The following MAP6 variants were observed in gnomAD, a reference collection of about 807,000 sequenced individuals.
MAP6 encodes the protein microtubule-associated protein 6.
In MAP6, 26 loss-of-function variants were observed where a neutral mutation model predicts 42.4. The ratio of observed to expected loss-of-function variants is 0.61; its 90% CI spans 0.45 to 0.85. MAP6 has a LOEUF of 0.85. Ranked by LOEUF, MAP6 falls within the 40% of genes least tolerant of loss-of-function variation. The probability of loss-of-function intolerance (pLI) is 0.00; values close to 1 mark genes in which losing one functional copy is unlikely to be tolerated. For synonymous variants in MAP6, 418 were observed against 443.8 expected (o/e 0.94, Z 0.73); for missense variants, 966 against 1,099.0 (o/e 0.88, Z 1.71).
intron 2 of MAP6, chr11:75,607,848 C>A (rs1212999213): frequency 4.5e-6 from 1 of 223,346 alleles, no homozygotes; most frequent in East Asian, 1.8e-4. Context: ...TTCTCAAAAT[C>A]AGAAGCTAAT....
chr11:75,666,002 G>C (rs1428491887), intron 1 of MAP6, among the ~76,000 whole-genome samples: 2 of 152,192 alleles, frequency 1.3e-5, no homozygotes, highest in African/African-American at 2.4e-5. Flanking sequence ...GCCTATGAGA[G>C]AGTATTGGTA....
chr11:75,634,578 C>G (rs1943337507), intron 1 of MAP6, among the ~76,000 whole-genome samples: 1 of 152,214 alleles, frequency 6.6e-6, no homozygotes. Context: ...CAAGTCTAAT[C>G]TTTATGATAC....
chr11:75,588,282 G>C (rs1942403225), intron 3 of MAP6, 98 bp from the exon 4 acceptor site: 1 of 1,110,578 alleles, frequency 9.0e-7, no homozygotes, highest in Admixed American at 2.4e-5. Context: ...AGTGGAGCCT[G>C]GGCCGGGCAG....
At chr11:75,602,865 T>C in intron 3 of MAP6, 1 of 985,630 alleles carries the variant, frequency 1.0e-6, no homozygotes, top group Non-Finnish European at 1.2e-6. Context: ...GAAAGTGGTG[T>C]TCGTCTTTAG....
chr11:75,652,981 TC>T (rs1423097558), intron 1 of MAP6, among the ~76,000 whole-genome samples: 1 of 152,152 alleles, frequency 6.6e-6, no homozygotes, highest in East Asian at 1.9e-4. Flanking sequence ...CTACTCCTTT[TC>T]CTCCTCTTAC....
At chr11:75,630,905 T>C (rs2135633194) in intron 1 of MAP6, among the ~76,000 whole-genome samples, 1 of 152,366 alleles carries the variant, frequency 6.6e-6, no homozygotes, top group East Asian at 1.9e-4. Flanking sequence ...ATTCCACTGT[T>C]CTTACCCTTG....
intron 1 of MAP6, among the ~76,000 whole-genome samples, chr11:75,647,347 C>CAAAAAAA: frequency 2.3e-5 from 1 of 44,186 alleles, no homozygotes; most frequent in African/African-American, 8.8e-5. Flanking sequence ...CCCACCTGAT[C>CAAAAAAA]AAAAAAAAAA....
In MAP6 at chr11:75,668,608, G is replaced by A; in HGVS notation, c.-239C>T. 2.6e-6 allele frequency: 1 copy of A among 384,530 alleles called. No homozygotes were observed. Among genetic ancestry groups the A allele is most frequent in the South Asian group, 1.1e-4 (1 of 9,332 alleles). The allele number at this position is 384,530 out of a possible 1,614,324, so 23.8% of individuals were successfully genotyped here. ...AACGCCTTTGGGAGCGCAGTCTGCTGCGAGCGCCGAAGGGTGAGACGCACG... is the reference window on the plus strand; with the variant it reads ...AACGCCTTTGGGAGCGCAGTCTGCTACGAGCGCCGAAGGGTGAGACGCACG... On this transcript the variant is annotated 5_prime_UTR_variant, in exon 1 of 4. Coordinates refer to ENST00000304771, the MANE Select transcript of MAP6 (RefSeq NM_033063.2).
chr11:75,591,076 T>C (rs1319733934), intron 3 of MAP6, among the ~76,000 whole-genome samples: 1 of 152,214 alleles, frequency 6.6e-6, no homozygotes, highest in Non-Finnish European at 1.5e-5. Flanking sequence ...ACAGATTAGC[T>C]TTGTAATCCC....
intron 1 of MAP6, among the ~76,000 whole-genome samples, chr11:75,641,210 C>T (rs905926628): frequency 6.6e-6 from 1 of 151,736 alleles, no homozygotes; most frequent in Admixed American, 6.6e-5. Flanking sequence ...TGGAAACCAT[C>T]ATTCTCAGCA....
At chr11:75,606,410 G>T (rs751296943) in intron 2 of MAP6, among the ~76,000 whole-genome samples, 2 of 152,160 alleles carry the variant, frequency 1.3e-5, no homozygotes, top group African/African-American at 4.8e-5. Context: ...ACCTTCAGGC[G>T]GAAAATTTGA....
chr11:75,592,564 C>T (rs1038107632), intron 3 of MAP6, among the ~76,000 whole-genome samples: 14 of 148,754 alleles, frequency 9.4e-5, no homozygotes, highest in African/African-American at 3.2e-4. Flanking sequence ...CCACTTCTTT[C>T]CCTCCCTCCC....
At chr11:75,627,881 T>C (rs1416868456) in intron 1 of MAP6, among the ~76,000 whole-genome samples, 1 of 152,112 alleles carries the variant, frequency 6.6e-6, no homozygotes, top group African/African-American at 2.4e-5. Context: ...ACTGAGACAA[T>C]ACCAAAGCAG....
chr11:75,592,680 A>C (rs534856756), intron 3 of MAP6, among the ~76,000 whole-genome samples: 3 of 152,170 alleles, frequency 2.0e-5, no homozygotes, highest in South Asian at 2.1e-4. Context: ...CCCATTCTTC[A>C]TACAGAAATC....
intron 1 of MAP6, among the ~76,000 whole-genome samples, chr11:75,645,347 G>A (rs1169104487): frequency 2.0e-5 from 3 of 152,028 alleles, no homozygotes; most frequent in Non-Finnish European, 4.4e-5. Flanking sequence ...GGTTCTGGGT[G>A]GGGGTGGGAT....
intron 3 of MAP6, chr11:75,604,902 A>T: frequency 1.0e-6 from 1 of 985,440 alleles, no homozygotes; most frequent in Non-Finnish European, 1.2e-6. Flanking sequence ...TTGCCACTAC[A>T]TCTACGCCCC....
chr11:75,632,170 C>G (rs762691374), intron 1 of MAP6, among the ~76,000 whole-genome samples: 1 of 152,164 alleles, frequency 6.6e-6, no homozygotes, highest in Non-Finnish European at 1.5e-5. Context: ...ACCCTATTAG[C>G]TCTATTCTAT....
rs1942377822 is a variant in MAP6 at position 75,587,522 on chromosome 11, T to C, written c.1979A>G (p.Asn660Ser). Reference protein sequence around the residue: ...ESAMATAPIKNQGSMVSEPVK... With the variant: ...ESAMATAPIKSQGSMVSEPVK... ...AGGCTCAGAGACCATGGAACCTTGATTCTTTATGGGTGCTGTGGCCATGGC... is the reference window on the plus strand; with the variant it reads ...AGGCTCAGAGACCATGGAACCTTGACTCTTTATGGGTGCTGTGGCCATGGC... The change falls in exon 4 of 4, where the codon AAT becomes AGT. Residue 660 changes from asparagine to serine, a missense_variant. Asn to Ser is a conservative substitution (Grantham distance 46). Around this residue, in one of 2 missense-constraint regions of MAP6, gnomAD observed 943 missense variants for 1,049.9 expected, o/e 0.90. Coordinates refer to ENST00000304771, the MANE Select transcript of MAP6 (RefSeq NM_033063.2). 1 of 1,614,132 alleles carries C rather than the reference T, an allele frequency of 6.2e-7. No individual in the cohort carries two copies. Among genetic ancestry groups the C allele is most frequent in the South Asian group, 1.1e-5 (1 of 91,078 alleles).
At position 75,645,344 on chromosome 11, in the gene MAP6, G is replaced by A. The variant is rs997802986; in HGVS notation, c.905+22121C>T. Among the ~76,000 whole-genome samples, 3 of 152,066 alleles carry A rather than the reference G, an allele frequency of 2.0e-5. No individual in the cohort carries two copies. The East Asian group carries it at 5.8e-4, about 29-fold the overall frequency. ...ATGTCCCTTTCTGTTTAGGGTTCTG[G>A]GTGGGGGTGGGATGGAGTCGGGGAA... On this transcript the variant is annotated intron_variant, in intron 1 of 3. Coordinates refer to ENST00000304771, the MANE Select transcript of MAP6 (RefSeq NM_033063.2).
Sources: allele counts gnomAD v4.1 joint callset (sites outside exome capture counted in the v4.1 genomes callset), GRCh38; gene constraint gnomAD v4.1.1; regional missense constraint gnomAD v4.1.1; transcripts MANE v1.5; gene names NCBI Gene and HGNC (gene_info 2026-07-23, HGNC 2026-07-21).